Variants in DNAJC5 observed in about 807,000 individuals in gnomAD.
DNAJC5 encodes DnaJ heat shock protein family (Hsp40) member C5.
DNAJC5 carries 1 observed loss-of-function variant against 23.2 expected under a neutral mutation model. The observed-to-expected ratio is 0.04, with a 90% CI of 0.02 to 0.20. The LOEUF (loss-of-function observed/expected upper bound fraction) is 0.20, where lower values mean the gene tolerates loss of function less well. Ranked by LOEUF, DNAJC5 falls within the 10% of genes least tolerant of loss-of-function variation. The probability of loss-of-function intolerance (pLI) is 1.00; values close to 1 mark genes in which losing one functional copy is unlikely to be tolerated. For missense variants in DNAJC5, 180 were observed against 267.0 expected (o/e 0.67, Z 2.27); for synonymous variants, 136 against 120.0 (o/e 1.13, Z -0.87).
At chr20:63,930,355 GT>G (rs749134596) in intron 3 of DNAJC5, among the ~76,000 whole-genome samples, 1 of 147,968 alleles carries the variant, frequency 6.8e-6, no homozygotes. Flanking sequence ...AGGCTGCTTT[GT>G]TTTTTTTTTG....
At chr20:63,925,425 G>C (rs201386137) in intron 1 of DNAJC5, among the ~76,000 whole-genome samples, 1 of 152,210 alleles carries the variant, frequency 6.6e-6, no homozygotes, top group African/African-American at 2.4e-5. Flanking sequence ...AGAGATTGCA[G>C]TGAACTGAGG....
At chr20:63,897,996 G>T (rs2146267347) in intron 1 of DNAJC5, among the ~76,000 whole-genome samples, 1 of 152,306 alleles carries the variant, frequency 6.6e-6, no homozygotes, top group Middle Eastern at 3.4e-3. Flanking sequence ...AGTTCCCCTT[G>T]CTTGGAGGGT....
chr20:63,931,727 C>A lies in DNAJC5; in HGVS notation c.*159C>A. 1.4e-6 allele frequency: 1 copy of A among 715,982 alleles called. No homozygotes were observed. The allele number at this position is 715,982 out of a possible 1,614,324, so 44.4% of individuals were successfully genotyped here. On this transcript the variant is annotated 3_prime_UTR_variant, in exon 5 of 5. Coordinates refer to ENST00000360864, the MANE Select transcript of DNAJC5 (RefSeq NM_025219.3). The surrounding 1 kb of genome is among the most constrained non-coding windows in gnomAD (Gnocchi z 9.6). Reference sequence around the variant, plus strand: ...ACGCCCACCCAGCGTCGACCCTTGACCCACGAAGTGCGTAGCATGCAGTAT... The same window carrying A: ...ACGCCCACCCAGCGTCGACCCTTGAACCACGAAGTGCGTAGCATGCAGTAT...
At chr20:63,925,570 C>T (rs2053606003) in intron 1 of DNAJC5, among the ~76,000 whole-genome samples, 1 of 151,922 alleles carries the variant, frequency 6.6e-6, no homozygotes, top group Non-Finnish European at 1.5e-5. Flanking sequence ...AACAGGAAGG[C>T]AAGTTCTTCA....
At chr20:63,904,319 G>A (rs565636142) in intron 1 of DNAJC5, among the ~76,000 whole-genome samples, 4 of 152,218 alleles carry the variant, frequency 2.6e-5, no homozygotes, top group Admixed American at 1.3e-4. Context: ...TACCTCTTAC[G>A]ATGTGGTTTC....
intron 1 of DNAJC5, among the ~76,000 whole-genome samples, chr20:63,899,076 CTG>C (rs1320559858): frequency 6.6e-6 from 1 of 152,172 alleles, no homozygotes; most frequent in African/African-American, 2.4e-5. Context: ...CGCTGTGACT[CTG>C]AGCCTCTGCG....
Position 63,920,294 on chromosome 20 carries a change from T to C in DNAJC5, c.-11-8041T>C, listed in dbSNP as rs965565439. Among the ~76,000 whole-genome samples the C allele has an allele frequency of 1.3e-5, 2 of 152,182 alleles. No individual in the cohort carries two copies. The highest frequency in any genetic ancestry group is 4.8e-5 in the African/African-American group (2 of 41,444). On this transcript the variant is annotated intron_variant, in intron 1 of 4. Transcript: ENST00000360864. This position sits in a 1 kb window ranked among gnomAD's most constrained non-coding sequence, Gnocchi z 4.6. ...ACGGCAGGTGCGTCAGGGGCTGACG[T>C]GGGACCCGGCACTCTGTGCTCTGTG...
rs2053652390 is a variant in DNAJC5, at chr20:63,929,942, A to G, written c.321+417A>G. ...GCCTGGAACAAGCCATAGCGTACAG[A>G]TTGTCCCAGGGAAGAGCCGTGCGGA... On this transcript the variant is annotated intron_variant, in intron 3 of 4. Coordinates refer to ENST00000360864, the MANE Select transcript of DNAJC5 (RefSeq NM_025219.3). The surrounding 1 kb of genome is among the most constrained non-coding windows in gnomAD (Gnocchi z 8.6). 6.6e-6 allele frequency among the ~76,000 whole-genome samples: 1 copy of G among 151,964 alleles called. No homozygotes were observed. The highest frequency in any genetic ancestry group is 1.5e-5 in the Non-Finnish European group (1 of 67,984).
intron 1 of DNAJC5, among the ~76,000 whole-genome samples, chr20:63,915,973 A>G (rs933779947): frequency 6.6e-6 from 1 of 152,196 alleles, no homozygotes; most frequent in Non-Finnish European, 1.5e-5. Flanking sequence ...TCGCTTTGTC[A>G]CTCAGACTGG....
At chr20:63,923,556 C>G (rs553858027) in intron 1 of DNAJC5, among the ~76,000 whole-genome samples, 36 of 152,120 alleles carry the variant, frequency 2.4e-4, no homozygotes, top group African/African-American at 8.4e-4. Context: ...AAGATCCTGA[C>G]TCTATAAAAA....
chr20:63,910,125 C>T (rs2053473399), intron 1 of DNAJC5, among the ~76,000 whole-genome samples: 2 of 152,190 alleles, frequency 1.3e-5, no homozygotes, highest in South Asian at 4.1e-4. Flanking sequence ...GGGGTGCTTG[C>T]TTGTTCTAGG....
In DNAJC5 at chr20:63,931,843, G is replaced by A. The variant is rs1177625603; in HGVS notation, c.*275G>A. On this transcript the variant is annotated 3_prime_UTR_variant, in exon 5 of 5. Coordinates refer to ENST00000360864, the MANE Select transcript of DNAJC5 (RefSeq NM_025219.3). This position sits in a 1 kb window ranked among gnomAD's most constrained non-coding sequence, Gnocchi z 9.6. The stretch of plus-strand genomic sequence containing the variant: ...TCCATGTCTGTGTTGTGGACATTCC[G>A]CGGCATGACCGCGTGAACTGCACGG... The A allele has an allele frequency of 1.8e-5, 9 of 496,158 alleles. No individual in the cohort carries two copies. The highest frequency in any genetic ancestry group is 3.3e-5 in the Non-Finnish European group (9 of 269,106). The allele number at this position is 496,158 out of a possible 1,614,324, so 30.7% of individuals were successfully genotyped here. A position where few individuals can be genotyped will look rare whatever the true frequency, so the allele number is the denominator to read the frequency against.
At chr20:63,913,209 C>T (rs551394510) in intron 1 of DNAJC5, among the ~76,000 whole-genome samples, 13 of 152,264 alleles carry the variant, frequency 8.5e-5, no homozygotes, top group South Asian at 2.1e-4. Flanking sequence ...GTGACTGTCG[C>T]TCTTGGTAGT....
Position 63,920,461 on chromosome 20 carries a change from G to A in DNAJC5, c.-11-7874G>A, listed in dbSNP as rs1459258063. On this transcript the variant is annotated intron_variant, in intron 1 of 4. Coordinates refer to ENST00000360864, the MANE Select transcript of DNAJC5 (RefSeq NM_025219.3). The surrounding 1 kb of genome is among the most constrained non-coding windows in gnomAD (Gnocchi z 4.6). ...TGCGGGGGCCTCAGGCTACAGCCAG[G>A]GCTGTGAAGGAGCCGAGGTCATAGA... Among the ~76,000 whole-genome samples the A allele has an allele frequency of 6.6e-6, 1 of 152,212 alleles. No individual in the cohort carries two copies. The highest frequency in any genetic ancestry group is 2.4e-5 in the African/African-American group (1 of 41,460).
At chr20:63,930,757 A>T in intron 3 of DNAJC5, 94 bp from the exon 4 acceptor site, 2 of 1,590,978 alleles carry the variant, frequency 1.3e-6, no homozygotes, top group Admixed American at 3.3e-5. Context: ...CCTGGAACGC[A>T]CCCCCTGCCT....
chr20:63,933,861 C>T lies in DNAJC5; in HGVS notation c.*2293C>T, dbSNP rs2053695085. The T allele has an allele frequency of 6.6e-6, 1 of 152,380 alleles. No homozygotes were observed. Among genetic ancestry groups the T allele is most frequent in the Non-Finnish European group, 1.5e-5 (1 of 68,066 alleles). 9.4% of individuals were successfully genotyped at this position (152,380 alleles called of 1,614,324 possible). A position where few individuals can be genotyped will look rare whatever the true frequency, so the allele number is the denominator to read the frequency against. On this transcript the variant is annotated 3_prime_UTR_variant, in exon 5 of 5. Coordinates refer to ENST00000360864, the MANE Select transcript of DNAJC5 (RefSeq NM_025219.3). ...AGAACACTCCAAGGCCCTTCGGTAC[C>T]CATCAGAGTGGGCCCCTTGCCAGGT...
At position 63,929,684 on chromosome 20, in the gene DNAJC5, A is replaced by G. The variant is rs35311419; in HGVS notation, c.321+159A>G. On this transcript the variant is annotated intron_variant, in intron 3 of 4. Coordinates refer to ENST00000360864, the MANE Select transcript of DNAJC5 (RefSeq NM_025219.3). The surrounding 1 kb of genome is among the most constrained non-coding windows in gnomAD (Gnocchi z 8.6). ...CCCGAGTCTCTCCTGCCGTGCGGGC[A>G]CCCGAGTCACTCCTGCCGTGCGGGC... Among the ~76,000 whole-genome samples the G allele has an allele frequency of 0.038, 3,686 of 97,606 alleles. 243 individuals are homozygous for G. Among genetic ancestry groups the G allele is most frequent in the African/African-American group, 0.086 (1,742 of 20,154 alleles). The allele number at this position is 97,606 out of a possible 152,430, so 64.0% of individuals were successfully genotyped here.
chr20:63,928,483 C>G lies in DNAJC5; in HGVS notation c.107+31C>G, dbSNP rs778706680. ...TGGACAAGTGTGGCCCCCACATCCC[C>G]CCAGGAAGACACACATGCCCCGTGT... On this transcript the variant is annotated intron_variant, in intron 2 of 4. Coordinates refer to ENST00000360864, the MANE Select transcript of DNAJC5 (RefSeq NM_025219.3). The surrounding 1 kb of genome is among the most constrained non-coding windows in gnomAD (Gnocchi z 4.6). 6.4e-7 allele frequency: 1 copy of G among 1,567,672 alleles called. No individual in the cohort carries two copies. Among genetic ancestry groups the G allele is most frequent in the Non-Finnish European group, 8.8e-7 (1 of 1,138,012 alleles).
intron 1 of DNAJC5, among the ~76,000 whole-genome samples, chr20:63,908,163 G>A (rs1600864029): frequency 6.6e-6 from 1 of 152,178 alleles, no homozygotes; most frequent in Non-Finnish European, 1.5e-5. Context: ...TTTGACTTTC[G>A]TCATAGTTGC....
Sources: allele counts gnomAD v4.1 joint callset (sites outside exome capture counted in the v4.1 genomes callset), GRCh38; gene constraint gnomAD v4.1.1; non-coding constraint Gnocchi (gnomAD v3.1); transcripts MANE v1.5; gene names NCBI Gene and HGNC (gene_info 2026-07-23, HGNC 2026-07-21).